Variants in ZNF653 observed in about 807,000 individuals in gnomAD.
ZNF653 encodes the protein 67 kDa zinc finger protein.
Under a neutral mutation model 59.9 loss-of-function variants are expected in ZNF653, and 37 were observed. The observed-to-expected ratio is 0.62, with a 90% CI of 0.48 to 0.81. The LOEUF (loss-of-function observed/expected upper bound fraction) is 0.81. Ranked by LOEUF, ZNF653 falls within the 40% of genes least tolerant of loss-of-function variation. ZNF653 has a pLI of 0.00. For synonymous variants in ZNF653, 435 were observed against 371.8 expected (o/e 1.17, Z -1.96); for missense variants, 808 against 881.1 (o/e 0.92, Z 1.05).
chr19:11,503,065 G>T (rs1047400138), intron 1 of ZNF653, among the ~76,000 whole-genome samples: 1 of 151,784 alleles, frequency 6.6e-6, no homozygotes, highest in Non-Finnish European at 1.5e-5. Flanking sequence ...GGCATCAGGG[G>T]AAATAAAGGC....
Position 11,484,039 on chromosome 19 carries a change from C to A in ZNF653, c.1670+3G>T. The A allele has an allele frequency of 6.4e-7, 1 of 1,554,774 alleles. No individual in the cohort carries two copies. The highest frequency in any genetic ancestry group is 1.9e-5 in the Admixed American group (1 of 51,472). ...TAGCGGCACGGGGCGGCCTGTCACTCACTGCAGGGGGGTCTCGCCGGTGTG... is the reference window on the plus strand; with the variant it reads ...TAGCGGCACGGGGCGGCCTGTCACTAACTGCAGGGGGGTCTCGCCGGTGTG... On this transcript the variant is annotated splice_donor_region_variant and intron_variant, in intron 8 of 8. Transcript: ENST00000293771.
chr19:11,497,841 C>T (rs1971604534), intron 2 of ZNF653, among the ~76,000 whole-genome samples: 2 of 152,164 alleles, frequency 1.3e-5, no homozygotes. Flanking sequence ...CTCACCCCTG[C>T]CTCTGGAGAA....
chr19:11,489,628 C>G (rs55872833), intron 3 of ZNF653, among the ~76,000 whole-genome samples: 2 of 152,134 alleles, frequency 1.3e-5, no homozygotes, highest in Admixed American at 1.3e-4. Context: ...CCACCATGCC[C>G]GGCCAGCAGT....
At chr19:11,500,760 T>G (rs1971636142) in intron 1 of ZNF653, 1 of 152,268 alleles carries the variant, frequency 6.6e-6, no homozygotes, top group Admixed American at 6.5e-5. Flanking sequence ...AGCTCTGCTC[T>G]CAACTGCCTG....
At chr19:11,499,184 T>C (rs1157559657) in intron 1 of ZNF653, among the ~76,000 whole-genome samples, 2 of 152,204 alleles carry the variant, frequency 1.3e-5, no homozygotes, top group African/African-American at 4.8e-5. Context: ...TGAGGCCATC[T>C]GCCCTGGGTC....
In ZNF653 at chr19:11,487,308, G is replaced by T; in HGVS notation, c.1155C>A (p.Gly385=). The change falls in exon 4 of 9, where the codon GGC becomes GGA. Residue 385 remains glycine (G), a synonymous_variant. Transcript: ENST00000293771. This position sits in a 1 kb window ranked among gnomAD's most constrained non-coding sequence, Gnocchi z 5.1. ...CCCCCAGACCTTTCTTGGTCTCGAT[G>T]CCTGCTACTGCGGTGGCGTCCATGG... ...PSTMDATAVA[G]IETKKEKEDL... The T allele has an allele frequency of 6.2e-7, 1 of 1,605,448 alleles. No individual in the cohort carries two copies.
intron 1 of ZNF653, chr19:11,505,235 C>T (rs1166739205): frequency 5.6e-5 from 24 of 428,674 alleles, no homozygotes; most frequent in Non-Finnish European, 9.9e-5. Flanking sequence ...TTCTAGCGGG[C>T]GGGGCCAAGC....
At chr19:11,490,932 A>G (rs1360865931) in intron 3 of ZNF653, among the ~76,000 whole-genome samples, 1 of 152,222 alleles carries the variant, frequency 6.6e-6, no homozygotes, top group Admixed American at 6.5e-5. Context: ...CCAGTGGCTC[A>G]GGCCAAAGTC....
chr19:11,487,242 C>T lies in ZNF653; in HGVS notation c.1171+50G>A. ...TCGAGGGCCATTCCTCGCCCGGCCCCTCCCAGGCCCAACCACCCCTGGCCA... is the reference window on the plus strand; with the variant it reads ...TCGAGGGCCATTCCTCGCCCGGCCCTTCCCAGGCCCAACCACCCCTGGCCA... On this transcript the variant is annotated intron_variant, in intron 4 of 8. Coordinates refer to ENST00000293771, the MANE Select transcript of ZNF653 (RefSeq NM_138783.4). The surrounding 1 kb of genome is among the most constrained non-coding windows in gnomAD (Gnocchi z 5.1). 6.3e-7 allele frequency: 1 copy of T among 1,599,500 alleles called. No individual in the cohort carries two copies.
intron 7 of ZNF653, 22 bp from the exon 8 acceptor site, chr19:11,484,163 G>A: frequency 6.5e-7 from 1 of 1,538,164 alleles, no homozygotes; most frequent in South Asian, 1.2e-5. Context: ...GGGGACCGAG[G>A]CTGAGGACGG....
In ZNF653 at chr19:11,498,354, G is replaced by A. The variant is rs756441428; in HGVS notation, c.300-15C>T. On this transcript the variant is annotated splice_polypyrimidine_tract_variant and intron_variant, in intron 1 of 8. Coordinates refer to ENST00000293771, the MANE Select transcript of ZNF653 (RefSeq NM_138783.4). The stretch of plus-strand genomic sequence containing the variant: ...CCCAAGGCTTCCTGCAACAGAAAGA[G>A]GCAGAGAGGGTGAACGGGGGACCAG... The A allele has an allele frequency of 6.2e-7, 1 of 1,614,062 alleles. No individual in the cohort carries two copies. Among genetic ancestry groups the A allele is most frequent in the South Asian group, 1.1e-5 (1 of 91,078 alleles).
chr19:11,505,400 T>C (rs1599571713), intron 1 of ZNF653, 88 bp downstream of exon 1: 2 of 1,296,348 alleles, frequency 1.5e-6, no homozygotes, highest in East Asian at 6.3e-5. Flanking sequence ...TGCCGGGGGC[T>C]GGCCCTAGAA....
intron 1 of ZNF653, among the ~76,000 whole-genome samples, chr19:11,504,165 G>A (rs1971678421): frequency 6.6e-6 from 1 of 152,166 alleles, no homozygotes; most frequent in South Asian, 2.1e-4. Flanking sequence ...ACTTTGGGAG[G>A]CCGAGGCGGG....
chr19:11,487,334 T>C lies in ZNF653; in HGVS notation c.1129A>G (p.Thr377Ala). The change falls in exon 4 of 9, where the codon ACC becomes GCC. Residue 377 changes from threonine to alanine, a missense_variant. Coordinates refer to ENST00000293771, the MANE Select transcript of ZNF653 (RefSeq NM_138783.4). This position sits in a 1 kb window ranked among gnomAD's most constrained non-coding sequence, Gnocchi z 5.1. The part of the protein sequence containing the change: ...QTEPEGSQPS[T>A]MDATAVAGIE... The stretch of plus-strand genomic sequence containing the variant: ...CCTGCTACTGCGGTGGCGTCCATGG[T>C]GCTAGGCTGGCTACCCTCGGGCTCT... 1 of 1,613,766 alleles carries C rather than the reference T, an allele frequency of 6.2e-7. No homozygotes were observed. Among genetic ancestry groups the C allele is most frequent in the South Asian group, 1.1e-5 (1 of 91,078 alleles).
intron 3 of ZNF653, among the ~76,000 whole-genome samples, chr19:11,490,140 A>C (rs1453187371): frequency 6.6e-6 from 1 of 152,190 alleles, no homozygotes; most frequent in African/African-American, 2.4e-5. Context: ...CCATGACCCC[A>C]TCCTCAGGTT....
intron 1 of ZNF653, among the ~76,000 whole-genome samples, chr19:11,500,459 T>C (rs1223639558): frequency 6.6e-6 from 1 of 152,148 alleles, no homozygotes; most frequent in East Asian, 1.9e-4. Context: ...CTCAGCCTCC[T>C]GAGTAGCTGG....
At position 11,495,589 on chromosome 19, in the gene ZNF653, G is replaced by A. The variant is rs1971578037; in HGVS notation, c.559+361C>T. ...GCCTATGAAGCCATAAGGCCTGGGT[G>A]GTTTAGGCGGCCGTTTCGCTGTGGG... On this transcript the variant is annotated intron_variant, in intron 3 of 8. Transcript: ENST00000293771. The surrounding 1 kb of genome is among the most constrained non-coding windows in gnomAD (Gnocchi z 4.9). 3.0e-6 allele frequency: 1 copy of A among 337,188 alleles called. No individual in the cohort carries two copies. The highest frequency in any genetic ancestry group is 2.7e-5 in the South Asian group (1 of 36,556). The allele number at this position is 337,188 out of a possible 1,614,324, so 20.9% of individuals were successfully genotyped here.
At chr19:11,496,781 C>T (rs564749433) in intron 2 of ZNF653, among the ~76,000 whole-genome samples, 3 of 152,262 alleles carry the variant, frequency 2.0e-5, no homozygotes, top group South Asian at 2.1e-4. Context: ...GTAGGAGGAT[C>T]GCTTGAGCCT....
chr19:11,499,189 T>C (rs1432691638), intron 1 of ZNF653, among the ~76,000 whole-genome samples: 1 of 152,192 alleles, frequency 6.6e-6, no homozygotes, highest in Non-Finnish European at 1.5e-5. Flanking sequence ...CCATCTGCCC[T>C]GGGTCCCACA....
Sources: allele counts gnomAD v4.1 joint callset (sites outside exome capture counted in the v4.1 genomes callset), GRCh38; gene constraint gnomAD v4.1.1; non-coding constraint Gnocchi (gnomAD v3.1); transcripts MANE v1.5; gene names NCBI Gene and HGNC (gene_info 2026-07-23, HGNC 2026-07-21).